Variants in CCDC170 observed in about 807,000 individuals in gnomAD.
The protein encoded by CCDC170 is coiled-coil domain containing 170.
A neutral mutation model predicts 72.6 loss-of-function variants in CCDC170; 69 were observed. That is an observed-to-expected ratio of 0.95 (90% CI 0.78 to 1.16). The LOEUF is 1.16. Among genes scored for constraint, CCDC170 ranks in the 50% most tolerant of loss-of-function variants. CCDC170 has a pLI of 0.00. For synonymous variants in CCDC170, 300 were observed against 303.9 expected (o/e 0.99, Z 0.13); for missense variants, 852 against 832.5 (o/e 1.02, Z -0.29).
At chr6:151,587,028 C>A (rs1776461290) in intron 7 of CCDC170, among the ~76,000 whole-genome samples, 1 of 152,026 alleles carries the variant, frequency 6.6e-6, no homozygotes, top group South Asian at 2.1e-4. Context: ...TCATGATCTG[C>A]CCGCCTCGGC....
chr6:151,606,629 AG>A (rs1157748798), intron 9 of CCDC170, among the ~76,000 whole-genome samples: 2 of 152,214 alleles, frequency 1.3e-5, no homozygotes, highest in African/African-American at 4.8e-5. Context: ...AATGTTAATT[AG>A]GTCAAATTGT....
intron 1 of CCDC170, among the ~76,000 whole-genome samples, chr6:151,514,361 G>GAAGA: frequency 1.1e-5 from 1 of 88,338 alleles, no homozygotes; most frequent in African/African-American, 5.6e-5. Flanking sequence ...GGGAGGGAGG[G>GAAGA]AGGGAGGGAG....
chr6:151,598,913 G>A (rs112390395), intron 9 of CCDC170, among the ~76,000 whole-genome samples: 8,726 of 152,200 alleles, frequency 0.057, 307 homozygotes, highest in South Asian at 0.096. Context: ...ATGTGCGGGT[G>A]TTCATCCCTA....
At chr6:151,576,347 G>A (rs1056338878) in intron 6 of CCDC170, among the ~76,000 whole-genome samples, 5 of 151,868 alleles carry the variant, frequency 3.3e-5, no homozygotes, top group Non-Finnish European at 7.4e-5. Flanking sequence ...CAACTAACAC[G>A]TCTTTGTTGG....
intron 1 of CCDC170, among the ~76,000 whole-genome samples, chr6:151,511,156 T>G (rs1782144128): frequency 6.6e-6 from 1 of 152,176 alleles, no homozygotes; most frequent in African/African-American, 2.4e-5. Context: ...CGCTTTCCAG[T>G]TCTTCTAAAA....
intron 1 of CCDC170, among the ~76,000 whole-genome samples, chr6:151,516,832 A>G (rs1240083572): frequency 6.6e-6 from 1 of 152,286 alleles, no homozygotes; most frequent in East Asian, 1.9e-4. Flanking sequence ...CCCTAATCTT[A>G]TTATGCAAAT....
chr6:151,593,308 T>G, intron 8 of CCDC170, 28 bp downstream of exon 8: 1 of 1,596,624 alleles, frequency 6.3e-7, no homozygotes, highest in East Asian at 2.3e-5. Flanking sequence ...TTGCTAGTAT[T>G]GAGAGAAGAA....
chr6:151,524,675 ATCT>A (rs1782374123), intron 1 of CCDC170, among the ~76,000 whole-genome samples: 1 of 152,148 alleles, frequency 6.6e-6, no homozygotes, highest in African/African-American at 2.4e-5. Flanking sequence ...AATCTTGATC[ATCT>A]TCTCCCATTG....
intron 6 of CCDC170, among the ~76,000 whole-genome samples, chr6:151,577,839 A>T (rs2115095200): frequency 6.6e-6 from 1 of 152,290 alleles, no homozygotes; most frequent in East Asian, 1.9e-4. Flanking sequence ...CATGCGAGGG[A>T]TCTAGGTTGC....
At chr6:151,569,817 C>T (rs914043855) in intron 5 of CCDC170, among the ~76,000 whole-genome samples, 1 of 152,160 alleles carries the variant, frequency 6.6e-6, no homozygotes, top group Non-Finnish European at 1.5e-5. Flanking sequence ...AAGGGAGCGA[C>T]CATCCCCAAG....
At chr6:151,613,593 T>C (rs1490634687) in intron 9 of CCDC170, among the ~76,000 whole-genome samples, 1 of 152,220 alleles carries the variant, frequency 6.6e-6, no homozygotes, top group Non-Finnish European at 1.5e-5. Context: ...TAATAGAATA[T>C]GTGTTTTTTT....
intron 7 of CCDC170, among the ~76,000 whole-genome samples, chr6:151,589,251 AAAACAAAC>A (rs539350258): frequency 4.2e-4 from 48 of 115,088 alleles, no homozygotes; most frequent in African/African-American, 1.0e-3. Context: ...ACTCCCTCTC[AAAACAAAC>A]AAACAAACAA....
chr6:151,540,373 C>CTTTTT lies in CCDC170; in HGVS notation c.443+2097_443+2101dup, dbSNP rs779650559. ...CCTCCTCCTCCTTCTTCTGCTGCTGCTTTTTTTTTTTTTTTTTTTTTTTTT... is the reference window on the plus strand; with the variant it reads ...CCTCCTCCTCCTTCTTCTGCTGCTGCTTTTTTTTTTTTTTTTTTTTTTTTTTTTTT... On this transcript the variant is annotated intron_variant, in intron 3 of 10. Transcript: ENST00000239374. 0.023 allele frequency among the ~76,000 whole-genome samples: 859 copies of CTTTTT among 37,976 alleles called. 324 individuals are homozygous for CTTTTT. The East Asian group carries it at 0.29, about 13-fold the overall frequency. 24.9% of individuals were successfully genotyped at this position (37,976 alleles called of 152,430 possible).
At chr6:151,561,292 G>T (rs1477867568) in intron 5 of CCDC170, among the ~76,000 whole-genome samples, 2 of 152,020 alleles carry the variant, frequency 1.3e-5, no homozygotes, top group Non-Finnish European at 2.9e-5. Flanking sequence ...AGTCTTAATT[G>T]TGTAATTGCT....
chr6:151,587,064 G>A (rs1214912028), intron 7 of CCDC170, among the ~76,000 whole-genome samples: 1 of 152,124 alleles, frequency 6.6e-6, no homozygotes, highest in Admixed American at 6.6e-5. Context: ...GATTACAGGT[G>A]TGAGCCACCG....
chr6:151,544,853 T>G, intron 4 of CCDC170, 137 bp downstream of exon 4: 1 of 758,926 alleles, frequency 1.3e-6, no homozygotes, highest in Non-Finnish European at 2.0e-6. Flanking sequence ...ATTAACTGTA[T>G]GACTTGGGAC....
chr6:151,501,747 T>G (rs1004031467), intron 1 of CCDC170, among the ~76,000 whole-genome samples: 1 of 152,216 alleles, frequency 6.6e-6, no homozygotes, highest in Admixed American at 6.5e-5. Context: ...TAATGTGTAG[T>G]GTATTTCAAA....
intron 5 of CCDC170, among the ~76,000 whole-genome samples, chr6:151,553,505 G>T (rs1782919527): frequency 6.6e-6 from 1 of 152,100 alleles, no homozygotes; most frequent in East Asian, 1.9e-4. Flanking sequence ...GGTTAAAAAA[G>T]ACTTGACTAT....
At chr6:151,575,047 C>G (rs1173635234) in intron 6 of CCDC170, among the ~76,000 whole-genome samples, 7 of 152,140 alleles carry the variant, frequency 4.6e-5, no homozygotes, top group Admixed American at 4.6e-4. Context: ...TTTCTACTAT[C>G]AAGAACTCTC....
Sources: allele counts gnomAD v4.1 joint callset (sites outside exome capture counted in the v4.1 genomes callset), GRCh38; gene constraint gnomAD v4.1.1; transcripts MANE v1.5; gene names NCBI Gene and HGNC (gene_info 2026-07-23, HGNC 2026-07-21).